CABLES1: variants seen among roughly 807,000 people sequenced by gnomAD.
CABLES1 encodes Cdk5 and Abl enzyme substrate 1.
CABLES1 carries 36 observed loss-of-function variants against 57.8 expected under a neutral mutation model. The ratio of observed to expected loss-of-function variants is 0.62; its 90% CI spans 0.48 to 0.82. The LOEUF is 0.82. Ranked by LOEUF, CABLES1 falls within the 40% of genes least tolerant of loss-of-function variation. The pLI, the probability that CABLES1 is intolerant of heterozygous loss-of-function variation, is 0.00. For synonymous variants in CABLES1, 374 were observed against 363.0 expected, an observed-to-expected ratio of 1.03 and a Z score of -0.35; for missense variants, 767 against 836.6, an observed-to-expected ratio of 0.92 and a Z score of 1.03.
intron 4 of CABLES1, among the ~76,000 whole-genome samples, chr18:23,221,145 G>T (rs1334072443): frequency 6.6e-6 from 1 of 152,212 alleles, no homozygotes; most frequent in Non-Finnish European, 1.5e-5. Context: ...TTGAGAAAGG[G>T]TGCAGCATTG....
chr18:23,203,045 C>T (rs1471302444), intron 3 of CABLES1, among the ~76,000 whole-genome samples: 3 of 151,772 alleles, frequency 2.0e-5, no homozygotes, highest in Non-Finnish European at 4.4e-5. Context: ...TGTCTAGTGA[C>T]CCTCACGGTC....
In CABLES1 at chr18:23,188,876, T is replaced by C; in HGVS notation, c.884T>C (p.Leu295Pro). 6.2e-7 allele frequency: 1 copy of C among 1,614,010 alleles called. No homozygotes were observed. Among genetic ancestry groups the C allele is most frequent in the Non-Finnish European group, 8.5e-7 (1 of 1,179,890 alleles). Residue 295 changes from leucine to proline, a missense_variant, in exon 2 of 10, where the codon CTG (leucine) becomes CCG (proline). Leu to Pro is a moderately conservative substitution (Grantham distance 98). Around this residue, in one of 4 missense-constraint regions of CABLES1, gnomAD observed 529 missense variants for 622.8 expected, o/e 0.85. Transcript: ENST00000256925. ...LISQRSSLET[L>P]EDIEENAPLR... ...TCCCAGAGATCTTCCTTGGAGACCC[T>C]GGAAGATATTGAGGAGAACGCCCCT...
intron 7 of CABLES1, among the ~76,000 whole-genome samples, chr18:23,249,401 G>A (rs2047983051): frequency 6.6e-6 from 1 of 152,220 alleles, no homozygotes; most frequent in Non-Finnish European, 1.5e-5. Context: ...CAAACCAGGA[G>A]TGGGCAATAG....
At chr18:23,136,652 C>T (rs745745791) in intron 1 of CABLES1, 45 bp downstream of exon 1, 82 of 1,235,744 alleles carry the variant, frequency 6.6e-5, no homozygotes, top group Non-Finnish European at 7.7e-5. Context: ...GCGTCCCGCC[C>T]GGCGCTCCCA....
At chr18:23,236,986 G>A (rs1052134718) in intron 6 of CABLES1, among the ~76,000 whole-genome samples, 156 bp from the exon 7 acceptor site, 10 of 152,202 alleles carry the variant, frequency 6.6e-5, no homozygotes, top group African/African-American at 2.4e-4. Context: ...ACACGGAGAT[G>A]TCTAATAAAA....
At chr18:23,232,932 C>T (rs1363169297) in intron 4 of CABLES1, among the ~76,000 whole-genome samples, 1 of 152,144 alleles carries the variant, frequency 6.6e-6, no homozygotes, top group Admixed American at 6.5e-5. Flanking sequence ...ACTCGCTTGG[C>T]TCCCTCCTCT....
chr18:23,174,821 CATATATATATATATAT>C (rs569579022), intron 1 of CABLES1, among the ~76,000 whole-genome samples: 1,641 of 94,570 alleles, frequency 0.017, 59 homozygotes, highest in African/African-American at 0.047. Flanking sequence ...CATGTTACAC[CATATATATATATATAT>C]ATATATATAT....
intron 3 of CABLES1, among the ~76,000 whole-genome samples, chr18:23,200,001 C>G (rs2047311917): frequency 6.6e-6 from 1 of 152,132 alleles, no homozygotes; most frequent in South Asian, 2.1e-4. Flanking sequence ...CTTTTAACTT[C>G]CTCACCAAGT....
At position 23,257,986 on chromosome 18, in the gene CABLES1, CAATT is replaced by C. The variant is rs2048206978; in HGVS notation, c.*621_*624del. Reference sequence around the variant, plus strand: ...GGCCATGGGTCAGGCTGACCTTCAACAATTATTTCTAGATGATTTCTGGATAAGA... The same window carrying C: ...GGCCATGGGTCAGGCTGACCTTCAACATTTCTAGATGATTTCTGGATAAGA... On this transcript the variant is annotated 3_prime_UTR_variant, in exon 10 of 10. Transcript: ENST00000256925. The C allele has an allele frequency of 6.6e-6, 1 of 152,184 alleles. No individual in the cohort carries two copies. The highest frequency in any genetic ancestry group is 2.1e-4 in the South Asian group (1 of 4,830). The allele number at this position is 152,184 out of a possible 1,614,324, so 9.4% of individuals were successfully genotyped here.
At chr18:23,160,826 G>A (rs1423733559) in intron 1 of CABLES1, among the ~76,000 whole-genome samples, 2 of 152,038 alleles carry the variant, frequency 1.3e-5, no homozygotes, top group African/African-American at 4.8e-5. Flanking sequence ...TTGAGGTCAG[G>A]AGTTTGAGAC....
intron 2 of CABLES1, among the ~76,000 whole-genome samples, chr18:23,190,005 C>G (rs2047230105): frequency 6.6e-6 from 1 of 152,198 alleles, no homozygotes; most frequent in Admixed American, 6.5e-5. Flanking sequence ...CTTTTGGAGT[C>G]TTTTTCAAAG....
Position 23,214,062 on chromosome 18 carries a change from TATGC to T in CABLES1, c.1088+17_1088+20del, listed in dbSNP as rs1209583738. ...CGACAGTACCCAAGTCGGGTATGTATATGCATGCATGCTTTGTAGTTCTCTGGGT... is the reference window on the plus strand; with the variant it reads ...CGACAGTACCCAAGTCGGGTATGTATATGCATGCTTTGTAGTTCTCTGGGT... On this transcript the variant is annotated intron_variant, in intron 4 of 9. Coordinates refer to ENST00000256925, the MANE Select transcript of CABLES1 (RefSeq NM_001100619.3). The T allele has an allele frequency of 1.9e-6, 3 of 1,589,510 alleles. No homozygotes were observed. Among genetic ancestry groups the T allele is most frequent in the Non-Finnish European group, 2.6e-6 (3 of 1,159,538 alleles).
intron 4 of CABLES1, among the ~76,000 whole-genome samples, chr18:23,223,376 G>A (rs2047503719): frequency 6.6e-6 from 1 of 152,012 alleles, no homozygotes; most frequent in Non-Finnish European, 1.5e-5. Flanking sequence ...TCAGGAGTTT[G>A]AGACCAGCCT....
chr18:23,169,573 G>T (rs1454999774), intron 1 of CABLES1, among the ~76,000 whole-genome samples: 1 of 152,220 alleles, frequency 6.6e-6, no homozygotes, highest in African/African-American at 2.4e-5. Flanking sequence ...CAAGAGGGAA[G>T]CCCCTTCCCC....
chr18:23,175,679 G>A (rs537767185), intron 1 of CABLES1, among the ~76,000 whole-genome samples: 14 of 152,238 alleles, frequency 9.2e-5, no homozygotes, highest in Middle Eastern at 3.4e-3. Context: ...AAACTCCTGA[G>A]CTCAAGCCAT....
intron 1 of CABLES1, among the ~76,000 whole-genome samples, chr18:23,160,925 C>T (rs992188475): frequency 1.3e-5 from 2 of 152,072 alleles, no homozygotes; most frequent in African/African-American, 2.4e-5. Flanking sequence ...CCCAGCTACT[C>T]GAGAGGCTAG....
At chr18:23,157,130 C>T (rs1323127761) in intron 1 of CABLES1, among the ~76,000 whole-genome samples, 10 of 152,126 alleles carry the variant, frequency 6.6e-5, no homozygotes, top group Admixed American at 6.5e-4. Flanking sequence ...TGGCTCACAC[C>T]TGTAATCCCA....
chr18:23,145,851 C>T (rs762433903), intron 1 of CABLES1, among the ~76,000 whole-genome samples: 10 of 152,150 alleles, frequency 6.6e-5, no homozygotes, highest in Non-Finnish European at 1.3e-4. Flanking sequence ...TGGTTTGGGG[C>T]TTATTACTGC....
chr18:23,234,808 G>A (rs930885833), intron 5 of CABLES1, 104 bp downstream of exon 5: 17 of 894,908 alleles, frequency 1.9e-5, no homozygotes, highest in African/African-American at 1.5e-4. Context: ...TGGAGGACTC[G>A]AGGTCTGGGG....
Sources: gnomAD v4.1 joint callset for allele counts (sites outside exome capture counted in the v4.1 genomes callset) on GRCh38, gnomAD v4.1.1 for gene constraint, gnomAD v4.1.1 regional missense constraint, MANE v1.5 for transcripts, NCBI Gene and HGNC (gene_info 2026-07-23, HGNC 2026-07-21) for gene names.